Variants in NBPF20 observed in about 807,000 individuals in gnomAD.
NBPF20 encodes NBPF member 20, also known as NBPF family member NBPF20.
NBPF20 carries 90 observed loss-of-function variants against 68.1 expected under a neutral mutation model. That is an observed-to-expected ratio of 1.32 (90% confidence interval 1.11 to 1.58). The LOEUF (loss-of-function observed/expected upper bound fraction) is 1.58. Among genes scored for constraint, NBPF20 ranks in the 40% most tolerant of loss-of-function variants. NBPF20 has a pLI of 0.00. For missense variants in NBPF20, 816 were observed against 601.2 expected (o/e 1.36, Z -3.74); for synonymous variants, 290 against 228.1 (o/e 1.27, Z -2.45).
intron 4 of NBPF20, among the ~76,000 whole-genome samples, chr1:145,401,882 G>C (rs1262363223): frequency 2.8e-5 from 1 of 35,402 alleles, no homozygotes; most frequent in Non-Finnish European, 6.1e-5. Flanking sequence ...TAACAAGCCT[G>C]CTCCCATCGC....
At chr1:145,409,701 C>G (rs1389323441), upstream of NBPF20, among the ~76,000 whole-genome samples, 1 of 151,250 alleles carries the variant, frequency 6.6e-6, no homozygotes, top group Non-Finnish European at 1.5e-5. Context: ...AGCACCTAGA[C>G]CCATTTAGAT....
At chr1:145,410,818 A>ATATATATATATATACG in the NBPF20 span, among the ~76,000 whole-genome samples, 118 of 9,192 alleles carry the variant, frequency 0.013, 1 homozygote, top group African/African-American at 0.023. Flanking sequence ...ATATATACGT[A>ATATATATATATATACG]TATATATATA....
exon 138 of NBPF20, chr1:145,291,515 G>C (rs368837167): frequency 1.7e-5 from 27 of 1,611,904 alleles, no homozygotes; most frequent in Middle Eastern, 2.2e-4. Context: ...TCTCGGCTTA[G>C]TAAGGGCTGT....
exon 138 of NBPF20, chr1:145,291,616 G>C (rs1272910506): frequency 2.3e-5 from 37 of 1,611,852 alleles, no homozygotes; most frequent in Non-Finnish European, 3.1e-5. Flanking sequence ...AAAGGGCGAA[G>C]CTGATGTGCT....
At chr1:145,292,561 T>G in intron 136 of NBPF20, 72 bp from the exon 142 acceptor site, 1 of 726,964 alleles carries the variant, frequency 1.4e-6, no homozygotes, top group Non-Finnish European at 2.5e-6. Context: ...CACTGTCTAA[T>G]CCTCACACAG....
chr1:145,393,579 C>T (rs1662048411), intron 9 of NBPF20: 1 of 647,758 alleles, frequency 1.5e-6, no homozygotes, highest in Non-Finnish European at 2.7e-6. Flanking sequence ...ACACTGTGAA[C>T]AGTGATCATG....
At position 145,292,194 on chromosome 1, in the gene NBPF20, T is replaced by C. The variant is rs782464531; in HGVS notation, c.16697+187A>G. Among the ~76,000 whole-genome samples, 3 of 149,878 alleles carry C rather than the reference T, an allele frequency of 2.0e-5. 1 individual carries two copies. Among genetic ancestry groups the C allele is most frequent in the African/African-American group, 5.1e-5 (2 of 39,202 alleles). On this transcript the variant is annotated intron_variant, in intron 137 of 137. Coordinates refer to ENST00000369373, the Ensembl canonical transcript of NBPF20. ...GAAGTATGGTCAACCTATGGCACGT[T>C]AGTAAAAGATAAGGGGAGGAAGAAA...
chr1:145,292,592 T>C (rs1465410913), intron 136 of NBPF20, 103 bp from the exon 142 acceptor site: 2 of 746,086 alleles, frequency 2.7e-6, no homozygotes, highest in African/African-American at 3.7e-5. Context: ...CTCCCCAGCA[T>C]AAGAATAGGA....
intron 136 of NBPF20, 48 bp from the exon 142 acceptor site, chr1:145,292,537 C>A (rs782013640): frequency 1.3e-5 from 9 of 683,764 alleles, no homozygotes; most frequent in East Asian, 5.0e-5. Context: ...GATTCCCCTA[C>A]ACACATAACA....
exon 6 of NBPF20, chr1:145,400,504 G>C (rs1662470244): frequency 3.7e-6 from 6 of 1,613,010 alleles, no homozygotes; most frequent in Non-Finnish European, 5.1e-6. Flanking sequence ...GCTGGTTGGA[G>C]TCATAAGGGC....
chr1:145,306,323 A>G (rs1661409232), intron 119 of NBPF20, among the ~76,000 whole-genome samples: 12 of 148,770 alleles, frequency 8.1e-5, no homozygotes, highest in African/African-American at 2.7e-4. Context: ...ACACAGAGAG[A>G]GAGAACGAGC....
At chr1:145,408,870 C>T (rs1167524881), upstream of NBPF20, among the ~76,000 whole-genome samples, 1 of 151,484 alleles carries the variant, frequency 6.6e-6, no homozygotes, top group Non-Finnish European at 1.5e-5. Flanking sequence ...CATTTTCTAG[C>T]TGCTAATTGC....
At chr1:145,295,543 G>A in intron 133 of NBPF20, 24 bp downstream of exon 138, 1 of 185,216 alleles carries the variant, frequency 5.4e-6, no homozygotes, top group Non-Finnish European at 9.1e-6. Flanking sequence ...ACAGAATTAA[G>A]CATCCATAAT....
At chr1:145,409,845 T>C (rs1662937269), upstream of NBPF20, among the ~76,000 whole-genome samples, 1 of 151,606 alleles carries the variant, frequency 6.6e-6, no homozygotes, top group African/African-American at 2.4e-5. Flanking sequence ...GTACATTAGC[T>C]CAGGAAAACT....
chr1:145,393,336 G>A (rs1213364496), intron 9 of NBPF20, 90 bp from the exon 15 acceptor site: 2 of 689,826 alleles, frequency 2.9e-6, no homozygotes, highest in South Asian at 1.6e-5. Context: ...GTAAGGAAGA[G>A]TTTGAAAAGA....
exon 6 of NBPF20, chr1:145,400,457 T>C: frequency 1.2e-6 from 2 of 1,613,068 alleles, no homozygotes; most frequent in South Asian, 2.2e-5. Context: ...TGAGTCGACT[T>C]TGTCTTCCTC....
At chr1:145,298,292 C>G (rs1447788883) in intron 129 of NBPF20, among the ~76,000 whole-genome samples, 158 bp from the exon 135 acceptor site, 1 of 126,662 alleles carries the variant, frequency 7.9e-6, no homozygotes, top group Non-Finnish European at 1.6e-5. Context: ...TGGGACAGAA[C>G]AGGGCCAAAT....
rs587767343 is a variant in NBPF20, at chr1:145,291,996, G to A, written c.16698-227C>T. ...AGAGAGACAGAGACAGAGAGAGAGA[G>A]AAAGTGACCTAGTGAATTGCCCAGG... On this transcript the variant is annotated intron_variant, in intron 137 of 137. Coordinates refer to ENST00000369373, the Ensembl canonical transcript of NBPF20. Among the ~76,000 whole-genome samples, 95 of 150,044 alleles carry A rather than the reference G, an allele frequency of 6.3e-4. 1 individual carries two copies. In the South Asian group the frequency reaches 0.01, roughly 17 times the overall value.
intron 36 of NBPF20, among the ~76,000 whole-genome samples, chr1:145,372,240 A>AT (rs1661754777): frequency 1.6e-5 from 2 of 125,922 alleles, no homozygotes; most frequent in African/African-American, 3.5e-5. Flanking sequence ...AGTTCTGTGA[A>AT]TTTTTTACGT....
Sources: gnomAD v4.1 joint callset for allele counts (sites outside exome capture counted in the v4.1 genomes callset) on GRCh38, gnomAD v4.1.1 for gene constraint, MANE v1.5 for transcripts, NCBI Gene and HGNC (gene_info 2026-07-23, HGNC 2026-07-21) for gene names.